PIK3AP1: variants seen among roughly 807,000 people sequenced by gnomAD.
PIK3AP1 encodes phosphoinositide-3-kinase adaptor protein 1, also known as phosphoinositide 3-kinase adapter protein 1.
In PIK3AP1, 21 loss-of-function variants were observed where a neutral mutation model predicts 88.1. The ratio of observed to expected loss-of-function variants is 0.24; its 90% CI spans 0.17 to 0.34. The LOEUF is 0.34. Among genes scored for constraint, PIK3AP1 ranks in the 10% least tolerant of loss-of-function variants. PIK3AP1 has a pLI of 1.00. For synonymous variants in PIK3AP1, 398 were observed against 400.0 expected (o/e 1.00, Z 0.06); for missense variants, 828 against 1,035.7 (o/e 0.80, Z 2.75).
intron 1 of PIK3AP1, among the ~76,000 whole-genome samples, chr10:96,715,942 T>C (rs1844496830): frequency 6.6e-6 from 1 of 150,854 alleles, no homozygotes; most frequent in South Asian, 2.1e-4. Flanking sequence ...AAATCTCCTA[T>C]ATTTAAAAAA....
chr10:96,603,440 G>A (rs181865802), intron 15 of PIK3AP1, among the ~76,000 whole-genome samples: 8 of 152,288 alleles, frequency 5.3e-5, no homozygotes, highest in African/African-American at 1.9e-4. Flanking sequence ...TAATCTGCGT[G>A]GGCACCATCT....
intron 2 of PIK3AP1, among the ~76,000 whole-genome samples, chr10:96,709,286 C>A (rs1177869437): frequency 6.6e-6 from 1 of 152,106 alleles, no homozygotes; most frequent in Non-Finnish European, 1.5e-5. Context: ...ACTTTCTAGG[C>A]TGGAACTCTG....
In PIK3AP1 at chr10:96,720,469, C is replaced by T. The variant is rs1024897692; in HGVS notation, c.-75G>A. 4 of 1,187,694 alleles carry T rather than the reference C, an allele frequency of 3.4e-6. No individual in the cohort carries two copies. Among genetic ancestry groups the T allele is most frequent in the South Asian group, 4.2e-5 (1 of 23,748 alleles). The allele number at this position is 1,187,694 out of a possible 1,614,324, so 73.6% of individuals were successfully genotyped here. ...GACCGGGGCCGGCGGCGTCCTGGCT[C>T]GGGCTGGAGGGGCGCCGGGCTCCGC... On this transcript the variant is annotated 5_prime_UTR_variant, in exon 1 of 17. Transcript: ENST00000339364. This position sits in a 1 kb window ranked among gnomAD's most constrained non-coding sequence, Gnocchi z 4.6.
At chr10:96,636,133 C>T (rs1418680018) in intron 8 of PIK3AP1, among the ~76,000 whole-genome samples, 1 of 152,118 alleles carries the variant, frequency 6.6e-6, no homozygotes, top group African/African-American at 2.4e-5. Flanking sequence ...AGGAAAACTG[C>T]TTGAACCCGG....
At chr10:96,704,465 C>A (rs1366504480) in intron 2 of PIK3AP1, among the ~76,000 whole-genome samples, 1 of 152,114 alleles carries the variant, frequency 6.6e-6, no homozygotes, top group African/African-American at 2.4e-5. Context: ...CGCCTGTAAT[C>A]CCAACACTTT....
In PIK3AP1 at chr10:96,683,863, C is replaced by T. The variant is rs185380172; in HGVS notation, c.430+25704G>A. ...ATGTCAGGGAAATTGTAATCCATTT[C>T]CTCTGAATAAACATTCAAGACTGTA... On this transcript the variant is annotated intron_variant, in intron 2 of 16. Coordinates refer to ENST00000339364, the MANE Select transcript of PIK3AP1 (RefSeq NM_152309.3). Among the ~76,000 whole-genome samples the T allele has an allele frequency of 3.5e-3, 531 of 152,288 alleles. 1 individual carries two copies. Among genetic ancestry groups the T allele is most frequent in the Middle Eastern group, 0.01 (3 of 294 alleles).
chr10:96,686,447 TACCGC>T (rs1445631384), intron 2 of PIK3AP1, among the ~76,000 whole-genome samples: 1 of 152,194 alleles, frequency 6.6e-6, no homozygotes, highest in East Asian at 1.9e-4. Flanking sequence ...CCCGTGGATG[TACCGC>T]AAATGAGCTC....
intron 2 of PIK3AP1, among the ~76,000 whole-genome samples, chr10:96,684,531 G>A (rs1241495828): frequency 2.0e-5 from 3 of 152,188 alleles, no homozygotes; most frequent in Non-Finnish European, 2.9e-5. Context: ...ACTGTCCAAG[G>A]CAGCCTGGAC....
chr10:96,661,400 G>A (rs550794389), intron 2 of PIK3AP1, among the ~76,000 whole-genome samples: 30 of 152,296 alleles, frequency 2.0e-4, no homozygotes, highest in African/African-American at 7.0e-4. Context: ...CACCAATAGA[G>A]TATACAACAG....
intron 2 of PIK3AP1, 78 bp from the exon 3 acceptor site, chr10:96,657,012 A>C: frequency 6.9e-7 from 1 of 1,455,960 alleles, no homozygotes; most frequent in South Asian, 1.2e-5. Flanking sequence ...TGAGAGCCCC[A>C]AATATTGCAA....
chr10:96,666,450 G>A (rs912655806), intron 2 of PIK3AP1, among the ~76,000 whole-genome samples: 2 of 151,998 alleles, frequency 1.3e-5, no homozygotes, highest in African/African-American at 4.8e-5. Context: ...AGTTAAATAT[G>A]TCTATGCATA....
chr10:96,682,011 T>TAG (rs1352963970), intron 2 of PIK3AP1, among the ~76,000 whole-genome samples: 8 of 130,878 alleles, frequency 6.1e-5, no homozygotes, highest in Admixed American at 1.5e-4. Context: ...TATATATATA[T>TAG]ATAGAGAGAG....
chr10:96,608,565 TTC>T (rs1165155329), intron 14 of PIK3AP1, among the ~76,000 whole-genome samples: 4 of 152,194 alleles, frequency 2.6e-5, no homozygotes, highest in Non-Finnish European at 4.4e-5. Flanking sequence ...TTGGGCAAAA[TTC>T]TCTCTCTTTC....
At chr10:96,609,372 T>G (rs780780722) in intron 14 of PIK3AP1, among the ~76,000 whole-genome samples, 4 of 152,356 alleles carry the variant, frequency 2.6e-5, no homozygotes, top group East Asian at 3.9e-4. Context: ...TAAACAAAGA[T>G]GACAGTCCCT....
chr10:96,708,103 AG>A (rs1844388159), intron 2 of PIK3AP1, among the ~76,000 whole-genome samples: 1 of 152,202 alleles, frequency 6.6e-6, no homozygotes, highest in African/African-American at 2.4e-5. Flanking sequence ...CAGATGGCAT[AG>A]GGGTGGGTGA....
chr10:96,662,691 T>C (rs1277632303), intron 2 of PIK3AP1, among the ~76,000 whole-genome samples: 3 of 148,392 alleles, frequency 2.0e-5, no homozygotes, highest in African/African-American at 5.0e-5. Flanking sequence ...CCATCCTGGC[T>C]AACAAGGTGA....
chr10:96,698,530 CAAACT>C (rs993174132), intron 2 of PIK3AP1, among the ~76,000 whole-genome samples: 2 of 151,858 alleles, frequency 1.3e-5, no homozygotes, highest in Admixed American at 6.6e-5. Context: ...TAAACTAAAC[CAAACT>C]AAACTAAACT....
At chr10:96,712,252 A>T (rs894545532) in intron 1 of PIK3AP1, among the ~76,000 whole-genome samples, 6 of 152,142 alleles carry the variant, frequency 3.9e-5, no homozygotes, top group Non-Finnish European at 8.8e-5. Context: ...GCAATCTTAG[A>T]CAAACAGTAT....
At chr10:96,696,685 T>C (rs990671771) in intron 2 of PIK3AP1, among the ~76,000 whole-genome samples, 3 of 152,198 alleles carry the variant, frequency 2.0e-5, no homozygotes, top group African/African-American at 7.2e-5. Flanking sequence ...AAACAGTACA[T>C]GTAAAATGTT....
Sources: allele counts gnomAD v4.1 joint callset (sites outside exome capture counted in the v4.1 genomes callset), GRCh38; gene constraint gnomAD v4.1.1; non-coding constraint Gnocchi (gnomAD v3.1); transcripts MANE v1.5; gene names NCBI Gene and HGNC (gene_info 2026-07-23, HGNC 2026-07-21).